RBFOX1: variants seen among roughly 807,000 people sequenced by gnomAD.
RBFOX1 encodes the protein RNA binding fox-1 homolog 1.
RBFOX1 carries 8 observed loss-of-function variants against 57.7 expected under a neutral mutation model. The ratio of observed to expected loss-of-function variants is 0.14; its 90% CI spans 0.08 to 0.25. RBFOX1 has a LOEUF of 0.25. RBFOX1 is among the 10% of genes least tolerant of loss of function. The pLI is 1.00. For missense variants in RBFOX1, 611 were observed against 548.5 expected (o/e 1.11, Z -1.14); for synonymous variants, 326 against 222.4 (o/e 1.47, Z -4.15).
At chr16:7,174,365 G>A (rs896475961) in intron 4 of RBFOX1, among the ~76,000 whole-genome samples, 1 of 152,150 alleles carries the variant, frequency 6.6e-6, no homozygotes, top group Non-Finnish European at 1.5e-5. Flanking sequence ...CTATTATGTA[G>A]AATGTTACTA....
intron 1 of RBFOX1, among the ~76,000 whole-genome samples, chr16:5,373,696 C>T (rs905754482): frequency 7.9e-5 from 12 of 151,844 alleles, no homozygotes; most frequent in African/African-American, 2.7e-4. Flanking sequence ...CTTTGCCTCC[C>T]GGGTTCAGGC....
chr16:6,924,662 A>G (rs751150017), intron 3 of RBFOX1, among the ~76,000 whole-genome samples: 4 of 148,076 alleles, frequency 2.7e-5, no homozygotes, highest in Non-Finnish European at 6.0e-5. Flanking sequence ...AAATATTTCT[A>G]CCTTTATTCT....
At chr16:6,792,084 C>G (rs1393745660) in intron 3 of RBFOX1, among the ~76,000 whole-genome samples, 5 of 151,962 alleles carry the variant, frequency 3.3e-5, no homozygotes, top group African/African-American at 9.7e-5. Context: ...CTGATAATAC[C>G]TAAATACATT....
At chr16:6,194,992 C>A (rs1047609590) in intron 1 of RBFOX1, among the ~76,000 whole-genome samples, 1 of 152,098 alleles carries the variant, frequency 6.6e-6, no homozygotes, top group Non-Finnish European at 1.5e-5. Flanking sequence ...TTAGTTCATT[C>A]TTTTTTAATT....
intron 3 of RBFOX1, among the ~76,000 whole-genome samples, chr16:5,792,582 C>G (rs2054737730): frequency 6.6e-6 from 1 of 152,252 alleles, no homozygotes; most frequent in South Asian, 2.1e-4. Context: ...GTGGCTCATG[C>G]CTGTAATCCC....
chr16:7,187,404 C>G (rs942840583), intron 4 of RBFOX1, among the ~76,000 whole-genome samples: 35 of 151,728 alleles, frequency 2.3e-4, no homozygotes, highest in African/African-American at 8.5e-4. Context: ...ATAAGAAAGC[C>G]CTTGGCCAGG....
At chr16:5,516,963 C>T (rs1246430338) in intron 2 of RBFOX1, among the ~76,000 whole-genome samples, 2 of 151,354 alleles carry the variant, frequency 1.3e-5, no homozygotes, top group Non-Finnish European at 1.5e-5. Flanking sequence ...AATGTGAGAA[C>T]GAGCTAATAC....
At chr16:5,945,116 G>A (rs114376185) in intron 4 of RBFOX1, among the ~76,000 whole-genome samples, 2,358 of 152,132 alleles carry the variant, frequency 0.015, 50 homozygotes, top group African/African-American at 0.054. Context: ...ACTCCCTGGT[G>A]CACATCCATC....
intron 3 of RBFOX1, among the ~76,000 whole-genome samples, chr16:6,892,775 C>CCTCCCTCT (rs2065795759): frequency 1.1e-4 from 9 of 84,732 alleles, no homozygotes; most frequent in African/African-American, 4.6e-4. Flanking sequence ...TCCCTGTCTC[C>CCTCCCTCT]CTCTCTCTCT....
chr16:6,394,150 A>G (rs1329565328), intron 2 of RBFOX1, among the ~76,000 whole-genome samples: 1 of 152,212 alleles, frequency 6.6e-6, no homozygotes, highest in Non-Finnish European at 1.5e-5. Flanking sequence ...CCAGCCCTGA[A>G]TGCAAAAATA....
chr16:5,774,218 G>A (rs2054072274), intron 3 of RBFOX1, among the ~76,000 whole-genome samples: 1 of 152,198 alleles, frequency 6.6e-6, no homozygotes, highest in Non-Finnish European at 1.5e-5. Flanking sequence ...TGGGCAATGG[G>A]AAGAGAAAGG....
intron 2 of RBFOX1, among the ~76,000 whole-genome samples, chr16:6,610,315 G>A (rs1040457128): frequency 6.6e-6 from 1 of 152,004 alleles, no homozygotes; most frequent in Non-Finnish European, 1.5e-5. Context: ...TCTGGACCAG[G>A]GAAACATTGA....
At chr16:5,270,457 C>T in intron 1 of RBFOX1, 1 of 782,844 alleles carries the variant, frequency 1.3e-6, no homozygotes, top group Non-Finnish European at 2.3e-6. Context: ...AGGGCAGAAA[C>T]TGCCTGACTA....
At chr16:6,489,171 T>G (rs2095572630) in intron 2 of RBFOX1, among the ~76,000 whole-genome samples, 2 of 152,152 alleles carry the variant, frequency 1.3e-5, no homozygotes, top group Admixed American at 1.3e-4. Flanking sequence ...TTTCTTTCCT[T>G]GGTACTCTTG....
In RBFOX1 at chr16:6,914,926, C is replaced by G. The variant is rs986037768; in HGVS notation, c.-15-137131C>G. Among the ~76,000 whole-genome samples, 10 of 152,198 alleles carry G rather than the reference C, an allele frequency of 6.6e-5. No individual in the cohort carries two copies. The East Asian group carries it at 1.7e-3, about 26-fold the overall frequency. On this transcript the variant is annotated intron_variant, in intron 3 of 15. Transcript: ENST00000550418. ...ATGGATAGGTTTGAGACAGCCCTCACTCACATAACTTTTAGAGAAGTAAAT... is the reference window on the plus strand; with the variant it reads ...ATGGATAGGTTTGAGACAGCCCTCAGTCACATAACTTTTAGAGAAGTAAAT...
At chr16:7,352,556 T>C (rs1275428121) in intron 4 of RBFOX1, among the ~76,000 whole-genome samples, 1 of 151,868 alleles carries the variant, frequency 6.6e-6, no homozygotes, top group Non-Finnish European at 1.5e-5. Context: ...CTAGGGCCCT[T>C]TGCAGCCATT....
intron 2 of RBFOX1, among the ~76,000 whole-genome samples, chr16:6,430,181 A>G (rs2094039192): frequency 6.6e-6 from 1 of 152,050 alleles, no homozygotes. Flanking sequence ...AGTCCCAGGT[A>G]TGTCTTTATT....
At chr16:7,548,548 T>C (rs1304229041) in intron 5 of RBFOX1, among the ~76,000 whole-genome samples, 1 of 152,232 alleles carries the variant, frequency 6.6e-6, no homozygotes, top group Non-Finnish European at 1.5e-5. Flanking sequence ...AAGGAACTCA[T>C]CCTAGTCTAG....
In RBFOX1 at chr16:7,030,178, C is replaced by T. The variant is rs553039767; in HGVS notation, c.-15-21879C>T. Among the ~76,000 whole-genome samples, 4 of 152,178 alleles carry T rather than the reference C, an allele frequency of 2.6e-5. No homozygotes were observed. In the South Asian group the frequency reaches 8.3e-4, roughly 32 times the overall value. Reference sequence around the variant, plus strand: ...CATTGAGCTTTGTTCTGAGATATGTCCTGATGGCATTTTTTCTAAATGGTT... The same window carrying T: ...CATTGAGCTTTGTTCTGAGATATGTTCTGATGGCATTTTTTCTAAATGGTT... On this transcript the variant is annotated intron_variant, in intron 3 of 15. Coordinates refer to ENST00000550418, the MANE Select transcript of RBFOX1 (RefSeq NM_018723.4).
Sources: gnomAD v4.1 joint callset for allele counts (sites outside exome capture counted in the v4.1 genomes callset) on GRCh38, gnomAD v4.1.1 for gene constraint, MANE v1.5 for transcripts, NCBI Gene and HGNC (gene_info 2026-07-23, HGNC 2026-07-21) for gene names.